TNIK: variants seen among roughly 807,000 people sequenced by gnomAD.
TNIK encodes TRAF2 and NCK-interacting protein kinase.
TNIK carries 49 observed loss-of-function variants against 191.3 expected under a neutral mutation model. The ratio of observed to expected loss-of-function variants is 0.26; its 90% CI spans 0.20 to 0.32. The LOEUF (loss-of-function observed/expected upper bound fraction) is 0.32. TNIK is among the 10% of genes least tolerant of loss of function. The pLI is 1.00. For synonymous variants in TNIK, 594 were observed against 600.9 expected (o/e 0.99, Z 0.17); for missense variants, 1,155 against 1,702.3 (o/e 0.68, Z 5.66).
At chr3:171,125,868 T>A (rs1377673721) in intron 17 of TNIK, 44 bp downstream of exon 17, 4 of 1,602,252 alleles carry the variant, frequency 2.5e-6, no homozygotes, top group Admixed American at 1.7e-5. Context: ...ATAAAAATCA[T>A]CAGTGATGCT....
At chr3:171,251,917 A>G (rs1746266762) in intron 2 of TNIK, among the ~76,000 whole-genome samples, 1 of 152,274 alleles carries the variant, frequency 6.6e-6, no homozygotes, top group Admixed American at 6.5e-5. Flanking sequence ...ATATGATAAC[A>G]GACCAAAAAG....
chr3:171,342,064 A>T (rs1296355680), intron 2 of TNIK, among the ~76,000 whole-genome samples: 1 of 152,256 alleles, frequency 6.6e-6, no homozygotes, highest in African/African-American at 2.4e-5. Context: ...TAATTTAAAT[A>T]TAACCAAAAG....
intron 2 of TNIK, among the ~76,000 whole-genome samples, chr3:171,229,528 T>C (rs542425134): frequency 2.0e-5 from 3 of 152,332 alleles, no homozygotes; most frequent in South Asian, 4.1e-4. Context: ...AAAGTTGTGG[T>C]AGAAAACATT....
intron 9 of TNIK, among the ~76,000 whole-genome samples, 153 bp from the exon 10 acceptor site, chr3:171,167,423 T>C (rs972252918): frequency 3.3e-5 from 5 of 152,358 alleles, no homozygotes; most frequent in African/African-American, 9.6e-5. Flanking sequence ...TGTAGCACTA[T>C]ATTAGGCATA....
chr3:171,241,635 T>TAA (rs1745002437), intron 2 of TNIK, among the ~76,000 whole-genome samples: 1 of 152,204 alleles, frequency 6.6e-6, no homozygotes, highest in Non-Finnish European at 1.5e-5. Flanking sequence ...ATTAGCAATA[T>TAA]AAAGTATAGA....
chr3:171,291,929 C>T (rs944695074), intron 2 of TNIK, among the ~76,000 whole-genome samples: 3 of 152,114 alleles, frequency 2.0e-5, no homozygotes, highest in Non-Finnish European at 2.9e-5. Context: ...CCTTTATCTC[C>T]GTTATTCATC....
chr3:171,348,421 G>C (rs891598257), intron 2 of TNIK, among the ~76,000 whole-genome samples: 1 of 152,100 alleles, frequency 6.6e-6, no homozygotes, highest in Admixed American at 6.5e-5. Flanking sequence ...CCACCACCGA[G>C]TGAAGCCTTT....
intron 28 of TNIK, among the ~76,000 whole-genome samples, chr3:171,079,236 G>A (rs545809151): frequency 1.3e-5 from 2 of 152,196 alleles, no homozygotes; most frequent in East Asian, 3.9e-4. Context: ...TGTCCTCATA[G>A]GCTTATGGCA....
intron 2 of TNIK, among the ~76,000 whole-genome samples, chr3:171,339,944 A>C (rs1414178094): frequency 6.6e-6 from 1 of 152,218 alleles, no homozygotes; most frequent in Non-Finnish European, 1.5e-5. Flanking sequence ...ATATCTAGAA[A>C]TAGTGTCCAT....
chr3:171,141,041 T>C (rs1254640785), intron 12 of TNIK, among the ~76,000 whole-genome samples: 3 of 152,236 alleles, frequency 2.0e-5, no homozygotes, highest in Non-Finnish European at 4.4e-5. Flanking sequence ...TCATATATCA[T>C]GCTGCCTGTC....
chr3:171,098,933 TGTACCCTTC>T (rs2108440161), intron 22 of TNIK, among the ~76,000 whole-genome samples: 1 of 152,204 alleles, frequency 6.6e-6, no homozygotes, highest in East Asian at 1.9e-4. Context: ...CACATACATT[TGTACCCTTC>T]GTACCCTTAT....
intron 2 of TNIK, among the ~76,000 whole-genome samples, chr3:171,360,491 G>C (rs1403871126): frequency 6.6e-6 from 1 of 152,162 alleles, no homozygotes; most frequent in Non-Finnish European, 1.5e-5. Context: ...GAACTCTGGA[G>C]ACCCTCTAGC....
intron 1 of TNIK, among the ~76,000 whole-genome samples, chr3:171,415,191 C>T (rs961608785): frequency 2.0e-5 from 3 of 152,198 alleles, no homozygotes; most frequent in Admixed American, 6.5e-5. Context: ...CAAATATCAC[C>T]TCCTCAGAGA....
At chr3:171,458,855 G>C (rs1729070732) in intron 1 of TNIK, among the ~76,000 whole-genome samples, 1 of 152,106 alleles carries the variant, frequency 6.6e-6, no homozygotes, top group Admixed American at 6.5e-5. Context: ...TGGTTCGGGA[G>C]AGGAAGAAGC....
chr3:171,207,756 C>G lies in TNIK; in HGVS notation c.306+3360G>C, dbSNP rs113126920. 5.2e-3 allele frequency among the ~76,000 whole-genome samples: 794 copies of G among 152,322 alleles called. 6 individuals are homozygous for G. The highest frequency in any genetic ancestry group is 0.012 in the Admixed American group (191 of 15,298). On this transcript the variant is annotated intron_variant, in intron 4 of 32. Transcript: ENST00000436636. Reference sequence around the variant, plus strand: ...CTTTGGAAACACAAAGATATGTTAACTCATGCCACCCCATCATATCCTGTT... The same window carrying G: ...CTTTGGAAACACAAAGATATGTTAAGTCATGCCACCCCATCATATCCTGTT...
intron 1 of TNIK, among the ~76,000 whole-genome samples, chr3:171,457,271 G>A (rs976433845): frequency 7.9e-5 from 12 of 152,224 alleles, no homozygotes; most frequent in Admixed American, 7.9e-4. Flanking sequence ...AATTTAGACT[G>A]GGTCCGGTCT....
intron 7 of TNIK, among the ~76,000 whole-genome samples, chr3:171,184,778 C>A (rs1737151212): frequency 6.6e-6 from 1 of 152,176 alleles, no homozygotes; most frequent in Admixed American, 6.6e-5. Flanking sequence ...TTCCACCCTG[C>A]CTGAATAATG....
rs577426121 is a variant in TNIK at position 171,117,964 on chromosome 3, C to T, written c.2120+5632G>A. Reference sequence around the variant, plus strand: ...CAGCCTGGGTGACAGAGCAAGACTCCGTCTCAAAAAAAAATTAGGATAAGA... The same window carrying T: ...CAGCCTGGGTGACAGAGCAAGACTCTGTCTCAAAAAAAAATTAGGATAAGA... On this transcript the variant is annotated intron_variant, in intron 18 of 32. Transcript: ENST00000436636. Among the ~76,000 whole-genome samples, 27 of 151,766 alleles carry T rather than the reference C, an allele frequency of 1.8e-4. No homozygotes were observed. In the South Asian group the frequency reaches 3.5e-3, roughly 20 times the overall value.
chr3:171,173,439 G>A (rs1362634195), intron 9 of TNIK, among the ~76,000 whole-genome samples: 1 of 151,596 alleles, frequency 6.6e-6, no homozygotes, highest in Non-Finnish European at 1.5e-5. Flanking sequence ...AACAGGAGAT[G>A]TATACTAACC....
Sources: gnomAD v4.1 joint callset for allele counts (sites outside exome capture counted in the v4.1 genomes callset) on GRCh38, gnomAD v4.1.1 for gene constraint, MANE v1.5 for transcripts, NCBI Gene and HGNC (gene_info 2026-07-23, HGNC 2026-07-21) for gene names.